Variants in COL4A4 observed in about 807,000 individuals in gnomAD.
COL4A4 encodes collagen alpha-4(IV) chain.
Under a neutral mutation model 192.9 loss-of-function variants are expected in COL4A4, and 105 were observed. That is an observed-to-expected ratio of 0.54 (90% CI 0.46 to 0.64). The LOEUF is 0.64. COL4A4 is among the 30% of genes least tolerant of loss of function. COL4A4 has a pLI of 0.00. For synonymous variants in COL4A4, 762 were observed against 769.9 expected (o/e 0.99, Z 0.17); for missense variants, 1,967 against 2,169.3 (o/e 0.91, Z 1.85).
chr2:227,157,400 C>T (rs2064435411), intron 1 of COL4A4, among the ~76,000 whole-genome samples: 1 of 151,738 alleles, frequency 6.6e-6, no homozygotes, highest in Non-Finnish European at 1.5e-5. Flanking sequence ...AGGAAAAGAA[C>T]AAATTAAACC....
intron 44 of COL4A4, among the ~76,000 whole-genome samples, chr2:227,021,180 T>A (rs1965942449): frequency 6.6e-6 from 1 of 152,156 alleles, no homozygotes; most frequent in African/African-American, 2.4e-5. Flanking sequence ...GAACACTTTT[T>A]AAATGGAGAA....
At chr2:227,048,153 C>G (rs1381229643) in intron 34 of COL4A4, among the ~76,000 whole-genome samples, 1 of 152,034 alleles carries the variant, frequency 6.6e-6, no homozygotes, top group African/African-American at 2.4e-5. Context: ...AAGTGGAGGA[C>G]TCAAAATGGA....
At chr2:227,089,612 T>TATATAC (rs1383778504) in intron 21 of COL4A4, among the ~76,000 whole-genome samples, 3 of 141,868 alleles carry the variant, frequency 2.1e-5, no homozygotes, top group African/African-American at 7.9e-5. Context: ...TATATATACA[T>TATATAC]ACATATATAT....
intron 1 of COL4A4, among the ~76,000 whole-genome samples, chr2:227,151,510 G>T (rs1576903780): frequency 1.3e-5 from 2 of 151,838 alleles, no homozygotes; most frequent in Non-Finnish European, 2.9e-5. Flanking sequence ...CAAAACTGTA[G>T]GTACTAATAA....
rs539538938 is a variant in COL4A4 at position 227,113,762 on chromosome 2, C to T, written c.558+866G>A. Among the ~76,000 whole-genome samples, 171 of 152,328 alleles carry T rather than the reference C, an allele frequency of 1.1e-3. 1 individual carries two copies. Among genetic ancestry groups the T allele is most frequent in the Middle Eastern group, 0.01 (3 of 294 alleles). On this transcript the variant is annotated intron_variant, in intron 8 of 47. Coordinates refer to ENST00000396625, the MANE Select transcript of COL4A4 (RefSeq NM_000092.5). Reference sequence around the variant, plus strand: ...TAGGCACAGAGGCTACACACATAAACAGTGAGCTTACTAAAGGGATCACTG... The same window carrying T: ...TAGGCACAGAGGCTACACACATAAATAGTGAGCTTACTAAAGGGATCACTG...
intron 38 of COL4A4, among the ~76,000 whole-genome samples, chr2:227,032,819 C>G (rs554492050): frequency 1.9e-4 from 29 of 152,314 alleles, no homozygotes; most frequent in African/African-American, 6.5e-4. Context: ...TCCTCTTCCC[C>G]AGGGTCACTC....
intron 32 of COL4A4, among the ~76,000 whole-genome samples, chr2:227,051,763 A>C (rs891873792): frequency 6.6e-6 from 1 of 152,214 alleles, no homozygotes; most frequent in African/African-American, 2.4e-5. Context: ...ACCTGAAACC[A>C]GTATTTTATG....
At position 227,151,817 on chromosome 2, in the gene COL4A4, A is replaced by C. The variant is rs200722052; in HGVS notation, c.-101-4233T>G. Among the ~76,000 whole-genome samples, 29 of 152,304 alleles carry C rather than the reference A, an allele frequency of 1.9e-4. No individual in the cohort carries two copies. The East Asian group carries it at 4.6e-3, about 24-fold the overall frequency. ...TTCCACCATGTGAGGATGCAGCAAG[A>C]AGGCACCATCTGTAAAGCAGAAAGC... is the stretch of plus-strand genomic sequence containing the variant. On this transcript the variant is annotated intron_variant, in intron 1 of 47. Coordinates refer to ENST00000396625, the MANE Select transcript of COL4A4 (RefSeq NM_000092.5).
chr2:227,086,995 A>C (rs1222661611), intron 22 of COL4A4, among the ~76,000 whole-genome samples: 2 of 152,190 alleles, frequency 1.3e-5, no homozygotes, highest in African/African-American at 4.8e-5. Flanking sequence ...CCTTATTTTC[A>C]TGAGATTTTC....
chr2:227,116,417 T>C (rs988263726), intron 7 of COL4A4, among the ~76,000 whole-genome samples: 4 of 152,230 alleles, frequency 2.6e-5, no homozygotes, highest in Non-Finnish European at 4.4e-5. Context: ...AGTCTGTCTG[T>C]GATTGGCCCC....
chr2:226,994,977 T>G, the COL4A4 span, among the ~76,000 whole-genome samples: 49,436 of 151,874 alleles, frequency 0.33, 9,075 homozygotes, highest in South Asian at 0.48. Flanking sequence ...TTGGCCACAT[T>G]GGGGCAGGAG....
the COL4A4 span, chr2:226,969,264 A>C: frequency 6.6e-6 from 1 of 152,208 alleles, no homozygotes; most frequent in South Asian, 2.1e-4. Flanking sequence ...TTTTAAGAAA[A>C]AAAAAGTGAC....
chr2:227,117,128 T>C (rs1658374686), intron 7 of COL4A4, among the ~76,000 whole-genome samples: 1 of 152,218 alleles, frequency 6.6e-6, no homozygotes, highest in South Asian at 2.1e-4. Flanking sequence ...TTGCGTGGTT[T>C]TTAGCTTGCC....
At chr2:227,028,413 G>A (rs1010288330) in intron 41 of COL4A4, among the ~76,000 whole-genome samples, 3 of 152,132 alleles carry the variant, frequency 2.0e-5, no homozygotes, top group Non-Finnish European at 4.4e-5. Flanking sequence ...CAACAGTTCA[G>A]TTCCTCATAC....
rs572051556 is a variant in COL4A4 at position 227,088,667 on chromosome 2, G to T, written c.1609C>A (p.Pro537Thr). The change falls in exon 22 of 48, where the codon CCT (proline) becomes ACT (threonine). Residue 537 changes from proline (P) to threonine (T), a missense_variant. Physicochemically the swap from Pro to Thr is conservative, Grantham distance 38. Coordinates refer to ENST00000396625, the MANE Select transcript of COL4A4 (RefSeq NM_000092.5). Reference sequence around the variant, plus strand: ...GAGGTACTCACTGGTAGCCCTGGAGGTCCTTCAGCACCAGGAGGTCCTGGG... The same window carrying T: ...GAGGTACTCACTGGTAGCCCTGGAGTTCCTTCAGCACCAGGAGGTCCTGGG... ...GDPGPPGAEGPPGLPGKHGAS... is the reference protein window; with the variant it reads ...GDPGPPGAEGTPGLPGKHGAS... 1.1e-5 allele frequency: 17 copies of T among 1,614,118 alleles called. 1 individual carries two copies. The South Asian group carries it at 1.2e-4, about 11-fold the overall frequency.
chr2:227,068,180 T>C (rs1289267695), intron 25 of COL4A4, among the ~76,000 whole-genome samples: 1 of 150,368 alleles, frequency 6.7e-6, no homozygotes, highest in Non-Finnish European at 1.5e-5. Flanking sequence ...AGAAGTTGAA[T>C]CTCTGAATAG....
intron 37 of COL4A4, among the ~76,000 whole-genome samples, chr2:227,035,467 A>C (rs1464433205): frequency 6.6e-6 from 1 of 151,688 alleles, no homozygotes; most frequent in African/African-American, 2.4e-5. Context: ...TGAAACAGAC[A>C]GTCATTATTC....
At chr2:227,073,544 T>A (rs990773023) in intron 25 of COL4A4, among the ~76,000 whole-genome samples, 2 of 151,854 alleles carry the variant, frequency 1.3e-5, no homozygotes, top group Admixed American at 6.6e-5. Flanking sequence ...GAAAAAACAA[T>A]CCTGAATTTT....
downstream of COL4A4, among the ~76,000 whole-genome samples, chr2:227,001,095 TTTTTC>T (rs1192467495): frequency 4.0e-5 from 6 of 150,222 alleles, no homozygotes; most frequent in African/African-American, 7.5e-5. Flanking sequence ...TTTCTTTTCT[TTTTTC>T]TTTTTTTTTT....
Sources: allele counts gnomAD v4.1 joint callset (sites outside exome capture counted in the v4.1 genomes callset), GRCh38; gene constraint gnomAD v4.1.1; transcripts MANE v1.5; gene names NCBI Gene and HGNC (gene_info 2026-07-23, HGNC 2026-07-21).